Variants in NTM observed in about 807,000 individuals in gnomAD.
NTM encodes neurotrimin.
Under a neutral mutation model 42.1 loss-of-function variants are expected in NTM, and 13 were observed. The ratio of observed to expected loss-of-function variants is 0.31; its 90% CI spans 0.20 to 0.49. The LOEUF (loss-of-function observed/expected upper bound fraction) is 0.49, where lower values mean the gene tolerates loss of function less well. NTM is among the 20% of genes least tolerant of loss of function. NTM has a pLI of 0.99. For synonymous variants in NTM, 187 were observed against 179.2 expected, an observed-to-expected ratio of 1.04 and a Z score of -0.35; for missense variants, 373 against 452.8, an observed-to-expected ratio of 0.82 and a Z score of 1.60.
intron 1 of NTM, among the ~76,000 whole-genome samples, chr11:131,396,106 A>T (rs1050200652): frequency 6.6e-6 from 1 of 152,208 alleles, no homozygotes; most frequent in African/African-American, 2.4e-5. Context: ...CCAGAAAAGC[A>T]GGTAAAAAGC....
intron 1 of NTM, among the ~76,000 whole-genome samples, chr11:131,404,807 T>C (rs1945633391): frequency 6.6e-6 from 1 of 152,198 alleles, no homozygotes; most frequent in African/African-American, 2.4e-5. Context: ...GCATTGCTGG[T>C]ACTACATGTG....
chr11:131,371,018 A>G (rs1941095334), intron 1 of NTM, 130 bp downstream of exon 1: 1 of 1,492,430 alleles, frequency 6.7e-7, no homozygotes, highest in South Asian at 1.4e-5. Context: ...TTTAGACAGC[A>G]TGGCTGGGAC....
intron 1 of NTM, among the ~76,000 whole-genome samples, chr11:131,484,706 C>T (rs1179082742): frequency 6.6e-6 from 1 of 152,206 alleles, no homozygotes; most frequent in Non-Finnish European, 1.5e-5. Flanking sequence ...GCCTCTTCCT[C>T]TTCCAGTCTG....
chr11:132,046,410 CATAACAACACAGCA>C (rs937821279), intron 2 of NTM, among the ~76,000 whole-genome samples: 1 of 151,236 alleles, frequency 6.6e-6, no homozygotes, highest in African/African-American at 2.4e-5. Flanking sequence ...CACCCCTTTA[CATAACAACACAGCA>C]ATTCTACTGG....
At chr11:131,843,627 C>CTTCAACAT in intron 1 of NTM, among the ~76,000 whole-genome samples, 1 of 152,266 alleles carries the variant, frequency 6.6e-6, no homozygotes, top group South Asian at 2.1e-4. Context: ...ATAAAAGCAC[C>CTTCAACAT]TTCAACATTT....
At chr11:132,334,161 C>T (rs1298587002) in intron 8 of NTM, among the ~76,000 whole-genome samples, 1 of 152,260 alleles carries the variant, frequency 6.6e-6, no homozygotes, top group East Asian at 1.9e-4. Context: ...CAAAGCTCCA[C>T]TGGTCATGGG....
chr11:131,859,759 C>T (rs542582182), intron 1 of NTM, among the ~76,000 whole-genome samples: 12 of 152,234 alleles, frequency 7.9e-5, no homozygotes, highest in Admixed American at 5.9e-4. Flanking sequence ...CCTGGTTTAA[C>T]GGAAGTGCTC....
chr11:131,879,123 A>T (rs1259996080), intron 1 of NTM, among the ~76,000 whole-genome samples: 13 of 152,158 alleles, frequency 8.5e-5, no homozygotes, highest in Non-Finnish European at 1.8e-4. Flanking sequence ...CCTTCAATCC[A>T]GAGCAGTTCC....
chr11:131,571,630 C>T (rs2057447860), intron 1 of NTM, among the ~76,000 whole-genome samples: 1 of 152,210 alleles, frequency 6.6e-6, no homozygotes, highest in South Asian at 2.1e-4. Flanking sequence ...GAATGCTGAG[C>T]TGGAAAAACG....
At chr11:131,946,864 ATTC>A (rs759860138) in intron 2 of NTM, among the ~76,000 whole-genome samples, 3 of 152,204 alleles carry the variant, frequency 2.0e-5, no homozygotes, top group African/African-American at 2.4e-5. Flanking sequence ...ATTATTTCTA[ATTC>A]TTCTTCTCTG....
At chr11:132,131,496 C>T (rs7122696) in intron 2 of NTM, among the ~76,000 whole-genome samples, 33,279 of 152,064 alleles carry the variant, frequency 0.22, 4,238 homozygotes, top group African/African-American at 0.35. Flanking sequence ...TGGAACCCTA[C>T]GAAAGTGCAG....
At chr11:131,959,890 G>A (rs896546795) in intron 2 of NTM, among the ~76,000 whole-genome samples, 1 of 152,190 alleles carries the variant, frequency 6.6e-6, no homozygotes, top group Admixed American at 6.5e-5. Flanking sequence ...AGAAACAAAA[G>A]GGAAAGTTTT....
rs2045072527 is a variant in NTM at position 131,847,665 on chromosome 11, T to C, written c.83-63899T>C. Among the ~76,000 whole-genome samples the C allele has an allele frequency of 2.0e-5, 3 of 152,216 alleles. No individual in the cohort carries two copies. The East Asian group carries it at 5.8e-4, about 29-fold the overall frequency. The stretch of plus-strand genomic sequence containing the variant: ...AGTCCAGGTTTGATGAACCATTTCT[T>C]ACCTCTAGTATTGATTCCCTAGTCA... On this transcript the variant is annotated intron_variant, in intron 1 of 8. Coordinates refer to ENST00000683400, the MANE Select transcript of NTM (RefSeq NM_001352005.2).
intron 2 of NTM, among the ~76,000 whole-genome samples, chr11:132,100,246 G>C (rs2061472800): frequency 6.6e-6 from 1 of 152,164 alleles, no homozygotes. Flanking sequence ...AGCAATCTTG[G>C]GATCTAAACA....
intron 7 of NTM, among the ~76,000 whole-genome samples, chr11:132,317,916 G>C (rs1318666249): frequency 6.6e-6 from 1 of 150,568 alleles, no homozygotes; most frequent in African/African-American, 2.5e-5. Context: ...GGGAAAGAAA[G>C]AAAGAAAAGT....
At chr11:131,465,735 A>G (rs1591749691) in intron 1 of NTM, among the ~76,000 whole-genome samples, 3 of 150,892 alleles carry the variant, frequency 2.0e-5, no homozygotes, top group Admixed American at 2.0e-4. Flanking sequence ...TAGCACAGAC[A>G]GACAGGACTA....
chr11:131,826,673 A>T (rs1330771305), intron 1 of NTM, among the ~76,000 whole-genome samples: 2 of 151,932 alleles, frequency 1.3e-5, no homozygotes, highest in South Asian at 2.1e-4. Flanking sequence ...GCAGGGAGGA[A>T]TTTTTTCATT....
chr11:131,392,848 CT>C (rs1017909159), intron 1 of NTM, among the ~76,000 whole-genome samples: 32 of 152,300 alleles, frequency 2.1e-4, no homozygotes, highest in African/African-American at 7.5e-4. Context: ...TTTTGACTGG[CT>C]TTTCCCTGGA....
chr11:131,631,507 T>A (rs2063655763), intron 1 of NTM, among the ~76,000 whole-genome samples: 1 of 152,276 alleles, frequency 6.6e-6, no homozygotes, highest in South Asian at 2.1e-4. Flanking sequence ...GAGACTGAAA[T>A]ATTTTTAAAA....
Sources: gnomAD v4.1 joint callset for allele counts (sites outside exome capture counted in the v4.1 genomes callset) on GRCh38, gnomAD v4.1.1 for gene constraint, MANE v1.5 for transcripts, NCBI Gene and HGNC (gene_info 2026-07-23, HGNC 2026-07-21) for gene names.